ATP8B4: variants seen among roughly 807,000 people sequenced by gnomAD.
ATP8B4 encodes ATPase phospholipid transporting 8B4 (putative).
In ATP8B4, 133 loss-of-function variants were observed where a neutral mutation model predicts 145.6. The ratio of observed to expected loss-of-function variants is 0.91; its 90% confidence interval spans 0.79 to 1.05. The LOEUF is 1.05. ATP8B4 is among the 50% of genes least tolerant of loss of function. ATP8B4 has a pLI of 0.00. For synonymous variants in ATP8B4, 507 were observed against 492.9 expected (o/e 1.03, Z -0.38); for missense variants, 1,458 against 1,425.2 (o/e 1.02, Z -0.37).
In ATP8B4 at chr15:49,860,327, C is replaced by A. The variant is rs145783329; in HGVS notation, c.3446G>T (p.Arg1149Leu). Reference sequence around the variant, plus strand: ...TGATGTTGGGGGTGGATTTTTAGCTCGCATATTTTTTCCAGATGTGATAAG... The same window carrying A: ...TGATGTTGGGGGTGGATTTTTAGCTAGCATATTTTTTCCAGATGTGATAAG... ...GELITSGKNM[R>L]AKNPPPTSGL... The change falls in exon 28 of 28, where the codon CGA becomes CTA. Residue 1149 changes from arginine to leucine, a missense_variant. Coordinates refer to ENST00000284509, the MANE Select transcript of ATP8B4 (RefSeq NM_024837.4). 1.2e-6 allele frequency: 2 copies of A among 1,614,038 alleles called. No individual in the cohort carries two copies. Among genetic ancestry groups the A allele is most frequent in the Non-Finnish European group, 1.7e-6 (2 of 1,179,980 alleles).
At chr15:50,042,345 T>G (rs1417424678) in intron 5 of ATP8B4, among the ~76,000 whole-genome samples, 1 of 152,156 alleles carries the variant, frequency 6.6e-6, no homozygotes, top group Non-Finnish European at 1.5e-5. Flanking sequence ...AATTGTTGAT[T>G]TATCAAAAAA....
At chr15:50,029,631 T>C (rs1567226293) in intron 6 of ATP8B4, among the ~76,000 whole-genome samples, 1 of 152,196 alleles carries the variant, frequency 6.6e-6, no homozygotes, top group Non-Finnish European at 1.5e-5. Flanking sequence ...GCAAATATCT[T>C]TGTACTATTC....
intron 2 of ATP8B4, among the ~76,000 whole-genome samples, chr15:50,098,266 ATTTTTTTTTTTTTTTTTTTTTTTTTTT>A (rs71124319): frequency 2.4e-5 from 1 of 41,768 alleles, no homozygotes; most frequent in East Asian, 9.7e-4. Flanking sequence ...TTGTCAGGTG[ATTTTTTTTTTTTTTTTTTTTTTTTTTT>A]TTTTTTTTTT....
chr15:50,018,674 T>G (rs1279849042), intron 6 of ATP8B4, among the ~76,000 whole-genome samples: 1 of 152,198 alleles, frequency 6.6e-6, no homozygotes, highest in Admixed American at 6.5e-5. Context: ...AAGGATATAT[T>G]AACTTTCATT....
intron 1 of ATP8B4, among the ~76,000 whole-genome samples, chr15:50,145,566 T>G (rs1006734638): frequency 2.0e-4 from 31 of 152,200 alleles, no homozygotes; most frequent in Non-Finnish European, 4.3e-4. Flanking sequence ...AAACTTATTC[T>G]TGGAGTGTTA....
Position 50,002,278 on chromosome 15 carries a change from T to C in ATP8B4, c.436-55A>G, listed in dbSNP as rs995377484. ...CTTGAGAAGTTAGATTGGTTGAAAG[T>C]CTTCTACAGTATATCACCTCTTGAC... is the stretch of plus-strand genomic sequence containing the variant. On this transcript the variant is annotated intron_variant, in intron 7 of 27. Coordinates refer to ENST00000284509, the MANE Select transcript of ATP8B4 (RefSeq NM_024837.4). 2.3e-5 allele frequency: 33 copies of C among 1,418,074 alleles called. 1 individual carries two copies. In the African/African-American group the frequency reaches 4.1e-4, roughly 18 times the overall value. The allele number at this position is 1,418,074 out of a possible 1,614,324, so 87.8% of individuals were successfully genotyped here.
intron 6 of ATP8B4, among the ~76,000 whole-genome samples, chr15:50,037,409 A>G (rs1286327561): frequency 5.3e-4 from 81 of 152,222 alleles, no homozygotes; most frequent in Non-Finnish European, 2.9e-5. Flanking sequence ...TAACAAGACT[A>G]CATGGAGAAT....
At chr15:50,096,701 A>G (rs1174550155) in intron 2 of ATP8B4, among the ~76,000 whole-genome samples, 4 of 152,180 alleles carry the variant, frequency 2.6e-5, no homozygotes, top group Non-Finnish European at 1.5e-5. Context: ...ATTTATAACA[A>G]GCAGCAAAGA....
At position 50,013,689 on chromosome 15, in the gene ATP8B4, C is replaced by T. The variant is rs570160400; in HGVS notation, c.363-2772G>A. Among the ~76,000 whole-genome samples, 177 of 152,124 alleles carry T rather than the reference C, an allele frequency of 1.2e-3. 1 individual carries two copies. The Middle Eastern group carries it at 0.014, about 12-fold the overall frequency. On this transcript the variant is annotated intron_variant, in intron 6 of 27. Coordinates refer to ENST00000284509, the MANE Select transcript of ATP8B4 (RefSeq NM_024837.4). ...GATTCCAAAGGCACCATAAAACATA[C>T]GGAGTTTAACTGCCACAGAACAGCA... is the stretch of plus-strand genomic sequence containing the variant.
chr15:49,874,507 A>G (rs182996454), intron 25 of ATP8B4, among the ~76,000 whole-genome samples: 133 of 152,328 alleles, frequency 8.7e-4, no homozygotes, highest in African/African-American at 2.3e-3. Context: ...TGGAAGGCAG[A>G]GAATAGATTT....
Position 49,859,893 on chromosome 15 carries a change from T to A in ATP8B4, c.*301A>T, listed in dbSNP as rs1485056114. ...AGCTTTACAAGTTTTTCTCCATAAA[T>A]AAGATTCTAAAGTTCAGGTCAATTG... On this transcript the variant is annotated 3_prime_UTR_variant, in exon 28 of 28. Coordinates refer to ENST00000284509, the MANE Select transcript of ATP8B4 (RefSeq NM_024837.4). 1.6e-5 allele frequency: 5 copies of A among 309,388 alleles called. No homozygotes were observed. The South Asian group carries it at 4.0e-4, about 25-fold the overall frequency. 19.2% of individuals were successfully genotyped at this position (309,388 alleles called of 1,614,324 possible).
chr15:49,978,773 CACACACACACACAT>C (rs1366513950), intron 12 of ATP8B4, among the ~76,000 whole-genome samples: 3 of 147,926 alleles, frequency 2.0e-5, no homozygotes, highest in African/African-American at 7.6e-5. Flanking sequence ...CACACACACA[CACACACACACACAT>C]GCATACATAT....
chr15:49,907,505 TTGG>T (rs2038749945), intron 20 of ATP8B4, among the ~76,000 whole-genome samples: 1 of 152,166 alleles, frequency 6.6e-6, no homozygotes. Context: ...GTAGTCCTTG[TTGG>T]TGGAAAGATT....
At chr15:50,086,835 C>A (rs2055156224) in intron 2 of ATP8B4, among the ~76,000 whole-genome samples, 1 of 67,206 alleles carries the variant, frequency 1.5e-5, no homozygotes. Context: ...TAATAGAGAT[C>A]TATATTATTA....
chr15:50,007,979 AC>A (rs1241421249), intron 7 of ATP8B4, among the ~76,000 whole-genome samples: 3 of 152,228 alleles, frequency 2.0e-5, no homozygotes, highest in African/African-American at 7.2e-5. Context: ...TAGGAGTCAA[AC>A]AGAGAACAAT....
chr15:50,097,352 A>G (rs977568949), intron 2 of ATP8B4, among the ~76,000 whole-genome samples: 1 of 130,216 alleles, frequency 7.7e-6, no homozygotes, highest in African/African-American at 2.8e-5. Context: ...TAATCTAATT[A>G]TACAAAAAAA....
chr15:50,048,456 C>T (rs2051901025), intron 3 of ATP8B4, among the ~76,000 whole-genome samples: 1 of 151,728 alleles, frequency 6.6e-6, no homozygotes, highest in South Asian at 2.1e-4. Context: ...GCCTATAATC[C>T]CAGCATTTTG....
chr15:50,132,902 T>G (rs967984486), intron 1 of ATP8B4, among the ~76,000 whole-genome samples: 7 of 151,052 alleles, frequency 4.6e-5, no homozygotes, highest in African/African-American at 7.3e-5. Context: ...AAAGTGGGAG[T>G]TGAACAATGA....
chr15:49,901,553 G>A (rs986587135), intron 20 of ATP8B4, among the ~76,000 whole-genome samples: 1 of 152,122 alleles, frequency 6.6e-6, no homozygotes, highest in Admixed American at 6.5e-5. Context: ...TGGTACTTAA[G>A]ACTGTCTGAG....
Sources: allele counts gnomAD v4.1 joint callset (sites outside exome capture counted in the v4.1 genomes callset), GRCh38; gene constraint gnomAD v4.1.1; transcripts MANE v1.5; gene names NCBI Gene and HGNC (gene_info 2026-07-23, HGNC 2026-07-21).